Variants in PALD1 observed in about 807,000 individuals in gnomAD.
PALD1 encodes the protein paladin.
Under a neutral mutation model 96.0 loss-of-function variants are expected in PALD1, and 57 were observed. That is an observed-to-expected ratio of 0.59 (90% CI 0.48 to 0.74). The LOEUF (loss-of-function observed/expected upper bound fraction) is 0.74, where lower values mean the gene tolerates loss of function less well. PALD1 is among the 30% of genes least tolerant of loss of function. The probability of loss-of-function intolerance (pLI) is 0.00; values close to 1 mark genes in which losing one functional copy is unlikely to be tolerated. For missense variants in PALD1, 1,063 were observed against 1,143.7 expected, an observed-to-expected ratio of 0.93 and a Z score of 1.02; for synonymous variants, 464 against 473.6, an observed-to-expected ratio of 0.98 and a Z score of 0.26.
chr10:70,506,851 C>G (rs1846401062), intron 1 of PALD1, among the ~76,000 whole-genome samples: 1 of 152,148 alleles, frequency 6.6e-6, no homozygotes, highest in Non-Finnish European at 1.5e-5. Context: ...GCTTCCCTGG[C>G]CTCTGGCCTC....
chr10:70,534,651 C>T (rs930954702), intron 9 of PALD1, 88 bp from the exon 10 acceptor site: 13 of 1,168,986 alleles, frequency 1.1e-5, no homozygotes, highest in African/African-American at 9.1e-5. Context: ...TTCTTTCCCT[C>T]TCTTTTCTCT....
intron 18 of PALD1, among the ~76,000 whole-genome samples, chr10:70,558,538 C>T (rs562323310): frequency 2.9e-4 from 44 of 152,226 alleles, no homozygotes; most frequent in African/African-American, 9.4e-4. Flanking sequence ...ACTCTAGTGA[C>T]GGAGATCTGC....
At chr10:70,524,645 C>T (rs1039186687) in intron 1 of PALD1, among the ~76,000 whole-genome samples, 48 of 152,334 alleles carry the variant, frequency 3.2e-4, no homozygotes, top group African/African-American at 1.1e-3. Context: ...GATGCCCTTT[C>T]GTGAGTTAAG....
intron 1 of PALD1, among the ~76,000 whole-genome samples, chr10:70,487,484 T>C: frequency 6.6e-6 from 1 of 151,640 alleles, no homozygotes; most frequent in Non-Finnish European, 1.5e-5. Context: ...CCCCTGCCTA[T>C]CTTCAATGTT....
chr10:70,532,790 G>T lies in PALD1; in HGVS notation c.794+9G>T. 1 of 1,613,762 alleles carries T rather than the reference G, an allele frequency of 6.2e-7. No homozygotes were observed. Among genetic ancestry groups the T allele is most frequent in the South Asian group, 1.1e-5 (1 of 91,034 alleles). ...CTGCAGCCCACCTACAGGTACCACAGGGCCACCCCCAGCCCTGGCCATGGG... is the reference window on the plus strand; with the variant it reads ...CTGCAGCCCACCTACAGGTACCACATGGCCACCCCCAGCCCTGGCCATGGG... On this transcript the variant is annotated intron_variant, in intron 6 of 19. Coordinates refer to ENST00000263563, the MANE Select transcript of PALD1 (RefSeq NM_014431.3).
At chr10:70,528,972 T>C (rs893168160) in intron 2 of PALD1, among the ~76,000 whole-genome samples, 1 of 152,114 alleles carries the variant, frequency 6.6e-6, no homozygotes, top group Non-Finnish European at 1.5e-5. Context: ...AGAACTTAAA[T>C]CATGTGACCA....
At chr10:70,527,132 C>T (rs1360823928) in intron 2 of PALD1, among the ~76,000 whole-genome samples, 4 of 152,198 alleles carry the variant, frequency 2.6e-5, no homozygotes, top group African/African-American at 4.8e-5. Context: ...GAAGGTAGCA[C>T]GAAGACTCGT....
chr10:70,469,918 C>T, the PALD1 span, among the ~76,000 whole-genome samples: 2 of 152,102 alleles, frequency 1.3e-5, no homozygotes, highest in African/African-American at 2.4e-5. Context: ...CTCAGCCTCC[C>T]GAGTAGCTGG....
chr10:70,557,858 G>A (rs1847641555), intron 18 of PALD1, among the ~76,000 whole-genome samples: 5 of 151,998 alleles, frequency 3.3e-5, no homozygotes, highest in South Asian at 2.1e-4. Flanking sequence ...ATGGCAGGGG[G>A]TGGCAGGGTG....
rs760606311 is a variant in PALD1, at chr10:70,534,748, G to A, written c.1132G>A (p.Ala378Thr). 2.5e-6 allele frequency: 4 copies of A among 1,607,888 alleles called. No homozygotes were observed. The highest frequency in any genetic ancestry group is 3.4e-6 in the Non-Finnish European group (4 of 1,176,344). The change falls in exon 10 of 20, where the codon GCC becomes ACC. Residue 378 changes from alanine to threonine, a missense_variant. Coordinates refer to ENST00000263563, the MANE Select transcript of PALD1 (RefSeq NM_014431.3). The stretch of plus-strand genomic sequence containing the variant: ...TGGTCTCTGGCACCAGGTGGACAGA[G>A]CCATCACTGCCTGTGCCGAGTTGCA... ...GRRMVEEVDR[A>T]ITACAELHDL...
At chr10:70,499,047 T>C (rs1837838496) in intron 1 of PALD1, among the ~76,000 whole-genome samples, 1 of 152,218 alleles carries the variant, frequency 6.6e-6, no homozygotes, top group Non-Finnish European at 1.5e-5. Context: ...TTTCCTTACA[T>C]TGTCTCATGT....
At chr10:70,508,784 C>CGTGTGTGTGTGTGTGTGT (rs111850326) in intron 1 of PALD1, among the ~76,000 whole-genome samples, 3 of 100,072 alleles carry the variant, frequency 3.0e-5, no homozygotes, top group Non-Finnish European at 4.1e-5. Context: ...CTCTGTATGG[C>CGTGTGTGTGTGTGTGTGT]GTGTGTGTGT....
intron 18 of PALD1, among the ~76,000 whole-genome samples, chr10:70,559,976 C>A (rs991367289): frequency 1.1e-4 from 17 of 152,152 alleles, no homozygotes; most frequent in Non-Finnish European, 4.4e-5. Flanking sequence ...TCTCTGCAGA[C>A]CCCCAGGGCG....
rs1485044965 is a variant in PALD1, at chr10:70,534,498, C to T, written c.1096C>T (p.Pro366Ser). Residue 366 changes from proline (P) to serine (S), a missense_variant, in exon 9 of 20, where the codon CCC becomes TCC. By Grantham distance (74) the Pro-to-Ser change is moderately conservative. Coordinates refer to ENST00000263563, the MANE Select transcript of PALD1 (RefSeq NM_014431.3). ...GATCCAGAGCTTTCTCCGCATGGTG[C>T]CCCAGGGAAGGAGGATGGTGGAAGA... is the stretch of plus-strand genomic sequence containing the variant. ...QVIQSFLRMV[P>S]QGRRMVEEVD... is the part of the protein sequence containing the mutation. 6 of 1,612,278 alleles carry T rather than the reference C, an allele frequency of 3.7e-6. No individual in the cohort carries two copies. Among genetic ancestry groups the T allele is most frequent in the African/African-American group, 2.7e-5 (2 of 74,882 alleles).
At chr10:70,515,525 C>G (rs1846603177) in intron 1 of PALD1, among the ~76,000 whole-genome samples, 1 of 152,248 alleles carries the variant, frequency 6.6e-6, no homozygotes, top group East Asian at 1.9e-4. Flanking sequence ...GCCCCTGGTT[C>G]TAGTCCTGGT....
rs1434959724 is a variant in PALD1 at position 70,531,391 on chromosome 10, G to A, written c.570G>A (p.Glu190=). 6.2e-7 allele frequency: 1 copy of A among 1,614,094 alleles called. No individual in the cohort carries two copies. Among genetic ancestry groups the A allele is most frequent in the Non-Finnish European group, 8.5e-7 (1 of 1,179,968 alleles). ...CTCGAGACAAGCAGAACCTTCATGA[G>A]AACCTCCAGGGCCTTGGACCCGGGG... The part of the protein sequence containing the change: ...YTPRDKQNLH[E]NLQGLGPGVR... The change falls in exon 5 of 20, where the codon GAG becomes GAA. Residue 190 remains glutamate (E), a synonymous_variant. Transcript: ENST00000263563.
intron 1 of PALD1, among the ~76,000 whole-genome samples, chr10:70,484,847 C>T (rs548938921): frequency 6.6e-6 from 1 of 152,298 alleles, no homozygotes; most frequent in African/African-American, 2.4e-5. Flanking sequence ...CTGCAACTGC[C>T]CATTCTTTTA....
intron 18 of PALD1, among the ~76,000 whole-genome samples, chr10:70,560,937 CAT>C (rs922377801): frequency 4.9e-4 from 39 of 79,028 alleles, no homozygotes; most frequent in Non-Finnish European, 1.1e-3. Flanking sequence ...AGTGTGCTAA[CAT>C]GGGGGACGGT....
intron 18 of PALD1, among the ~76,000 whole-genome samples, 177 bp from the exon 19 acceptor site, chr10:70,564,187 T>A (rs1004270381): frequency 2.6e-5 from 4 of 152,124 alleles, no homozygotes; most frequent in Non-Finnish European, 4.4e-5. Flanking sequence ...GGAAGTGGGC[T>A]CCTGACCCGC....
Sources: allele counts gnomAD v4.1 joint callset (sites outside exome capture counted in the v4.1 genomes callset), GRCh38; gene constraint gnomAD v4.1.1; transcripts MANE v1.5; gene names NCBI Gene and HGNC (gene_info 2026-07-23, HGNC 2026-07-21).